YBX1: variants seen among roughly 807,000 people sequenced by gnomAD.
YBX1 encodes Y-box binding protein 1, also known as Y-box-binding protein 1.
YBX1 carries 3 observed loss-of-function variants against 41.4 expected under a neutral mutation model. The observed-to-expected ratio is 0.07, with a 90% CI of 0.03 to 0.19. YBX1 has a LOEUF of 0.19. Ranked by LOEUF, YBX1 falls within the 10% of genes least tolerant of loss-of-function variation. YBX1 has a pLI of 1.00. For missense variants in YBX1, 274 were observed against 462.8 expected (o/e 0.59, Z 3.74); for synonymous variants, 133 against 165.8 (o/e 0.80, Z 1.52).
intron 2 of YBX1, among the ~76,000 whole-genome samples, chr1:42,691,939 C>G (rs906336716): frequency 1.3e-5 from 2 of 152,088 alleles, no homozygotes; most frequent in Non-Finnish European, 2.9e-5. Context: ...TAACCTCCGC[C>G]TCCTAGCTTC....
Position 42,682,617 on chromosome 1 carries a change from C to A in YBX1, c.52C>A (p.Pro18Thr), listed in dbSNP as rs1006688362. The A allele has an allele frequency of 4.2e-6, 6 of 1,433,088 alleles. No homozygotes were observed. Among genetic ancestry groups the A allele is most frequent in the Non-Finnish European group, 5.5e-6 (6 of 1,098,462 alleles). The allele number at this position is 1,433,088 out of a possible 1,614,324, so 88.8% of individuals were successfully genotyped here. Reference sequence around the variant, plus strand: ...GCCGCCCGCCGCCCCCCCCGCCGCCCCCGCCCTCAGCGCCGCCGACACCAA... The same window carrying A: ...GCCGCCCGCCGCCCCCCCCGCCGCCACCGCCCTCAGCGCCGCCGACACCAA... ...QQPPAAPPAA[P>T]ALSAADTKPG... Residue 18 changes from proline (P) to threonine (T), a missense_variant, in exon 1 of 8, where the codon CCC becomes ACC. Pro to Thr is a conservative substitution (Grantham distance 38). Transcript: ENST00000321358.
chr1:42,701,166 A>G, intron 7 of YBX1, 120 bp downstream of exon 7: 5 of 722,062 alleles, frequency 6.9e-6, no homozygotes, highest in Middle Eastern at 6.0e-4. Context: ...TGTTATTTAT[A>G]ATGTGTTCTG....
chr1:42,688,737 T>A (rs1184301653), intron 2 of YBX1, among the ~76,000 whole-genome samples: 1 of 152,166 alleles, frequency 6.6e-6, no homozygotes, highest in African/African-American at 2.4e-5. Flanking sequence ...GTCATGGCAT[T>A]GTAAGAAAAA....
rs374728989 is a variant in YBX1, at chr1:42,700,885, G to A, written c.845G>A (p.Arg282His). Residue 282 changes from arginine to histidine, a missense_variant, in exon 7 of 8, where the codon CGC (arginine) becomes CAC (histidine). Around this residue, in one of 3 missense-constraint regions of YBX1, gnomAD observed 187 missense variants for 306.3 expected, o/e 0.61. Transcript: ENST00000321358. Reference sequence around the variant, plus strand: ...CAGCAGCCACCTCAACGTCGGTACCGCCGCAACTTCAATTACCGACGCAGA... The same window carrying A: ...CAGCAGCCACCTCAACGTCGGTACCACCGCAACTTCAATTACCGACGCAGA... ...QGQQPPQRRY[R>H]RNFNYRRRRP... is the part of the protein sequence containing the mutation. 12 of 1,613,840 alleles carry A rather than the reference G, an allele frequency of 7.4e-6. No individual in the cohort carries two copies. Among genetic ancestry groups the A allele is most frequent in the Admixed American group, 1.7e-5 (1 of 59,982 alleles).
intron 1 of YBX1, 169 bp from the exon 2 acceptor site, chr1:42,683,234 G>T: frequency 1.3e-6 from 1 of 779,540 alleles, no homozygotes; most frequent in African/African-American, 1.7e-5. Context: ...ACTCACCCAC[G>T]TGTGCGGCGG....
chr1:42,682,943 C>A (rs1214252342), intron 1 of YBX1: 1 of 149,790 alleles, frequency 6.7e-6, no homozygotes, highest in Admixed American at 6.8e-5. Flanking sequence ...CTGTGGACCC[C>A]GCGCGGCCGC....
At position 42,693,421 on chromosome 1, in the gene YBX1, A is replaced by G. The variant is rs368707724; in HGVS notation, c.231-69A>G. ...AATTGGCAGCCAGAGAGTCTCTGGGAAAATTAATCTTTGACAACATGAGAT... is the reference window on the plus strand; with the variant it reads ...AATTGGCAGCCAGAGAGTCTCTGGGGAAATTAATCTTTGACAACATGAGAT... On this transcript the variant is annotated intron_variant, in intron 2 of 7. Transcript: ENST00000321358. 2,294 of 1,590,846 alleles carry G rather than the reference A, an allele frequency of 1.4e-3. 7 individuals are homozygous for G. Among genetic ancestry groups the G allele is most frequent in the Middle Eastern group, 3.1e-3 (18 of 5,864 alleles).
intron 7 of YBX1, among the ~76,000 whole-genome samples, chr1:42,701,581 G>A (rs1650603069): frequency 6.7e-6 from 1 of 149,860 alleles, no homozygotes; most frequent in Non-Finnish European, 1.5e-5. Context: ...AGAGTGTTTC[G>A]TGTCTAAAAA....
At chr1:42,683,039 C>T (rs1183434727) in intron 1 of YBX1, 8 of 411,192 alleles carry the variant, frequency 1.9e-5, no homozygotes, top group Non-Finnish European at 3.3e-5. Flanking sequence ...CGCTCGGGCC[C>T]GCACGCCGTT....
chr1:42,683,123 G>A, intron 1 of YBX1: 1 of 606,066 alleles, frequency 1.6e-6, no homozygotes, highest in South Asian at 1.6e-5. Flanking sequence ...GCAGGCCGGA[G>A]CGGCTTCCCC....
At chr1:42,684,453 G>T (rs917427894) in intron 2 of YBX1, among the ~76,000 whole-genome samples, 1 of 152,196 alleles carries the variant, frequency 6.6e-6, no homozygotes, top group Non-Finnish European at 1.5e-5. Context: ...TACTGTAGAA[G>T]ACCTAAGCAG....
chr1:42,692,889 AC>A (rs746352545), intron 2 of YBX1, among the ~76,000 whole-genome samples: 29 of 152,244 alleles, frequency 1.9e-4, no homozygotes, highest in Non-Finnish European at 2.9e-4. Context: ...GTCTTTTTAT[AC>A]ATGGCTCCGT....
intron 7 of YBX1, among the ~76,000 whole-genome samples, chr1:42,701,560 G>A (rs1224684647): frequency 3.3e-5 from 5 of 149,946 alleles, no homozygotes; most frequent in South Asian, 4.2e-4. Context: ...TGTTGTTCCC[G>A]GAAAAAGACG....
At chr1:42,693,786 T>C (rs1650396481) in intron 3 of YBX1, among the ~76,000 whole-genome samples, 3 of 152,228 alleles carry the variant, frequency 2.0e-5, no homozygotes, top group South Asian at 2.1e-4. Flanking sequence ...GCATTAAATA[T>C]TTATACCTAA....
At chr1:42,698,474 G>T (rs2148741824) in intron 6 of YBX1, among the ~76,000 whole-genome samples, 1 of 152,294 alleles carries the variant, frequency 6.6e-6, no homozygotes. Flanking sequence ...GTCTAAAATA[G>T]CCTCTCATGG....
Position 42,697,185 on chromosome 1 carries a change from T to C in YBX1, c.663T>C (p.Ala221=). The C allele has an allele frequency of 1.2e-6, 2 of 1,613,656 alleles. No individual in the cohort carries two copies. Among genetic ancestry groups the C allele is most frequent in the Non-Finnish European group, 8.5e-7 (1 of 1,179,880 alleles). The change falls in exon 6 of 8, where the codon GCT becomes GCC. Residue 221 remains alanine (A), a synonymous_variant. Transcript: ENST00000321358. ...ATTTCCATTGTCTTTTTCAGGGTGC[T>C]GACAACCAGGGTGCAGGAGAACAAG... ...PPVQGEVMEG[A]DNQGAGEQGR... is the part of the protein sequence containing the mutation.
At position 42,696,537 on chromosome 1, in the gene YBX1, CTT is replaced by C. The variant is rs1203344166; in HGVS notation, c.355-103_355-102del. On this transcript the variant is annotated intron_variant, in intron 4 of 7. Transcript: ENST00000321358. The surrounding 1 kb of genome is among the most constrained non-coding windows in gnomAD (Gnocchi z 5.7). Reference sequence around the variant, plus strand: ...CCCCCCCCCCCTTTTTTTTCCTTAACTTTGTTGTTTTTTGCTTTGTTTGAAAA... The same window carrying C: ...CCCCCCCCCCCTTTTTTTTCCTTAACTGTTGTTTTTTGCTTTGTTTGAAAA... 3.8e-6 allele frequency: 1 copy of C among 260,440 alleles called. No individual in the cohort carries two copies. The highest frequency in any genetic ancestry group is 7.6e-6 in the Non-Finnish European group (1 of 132,084). The allele number at this position is 260,440 out of a possible 1,614,324, so 16.1% of individuals were successfully genotyped here. A position where few individuals can be genotyped will look rare whatever the true frequency, so the allele number is the denominator to read the frequency against.
intron 6 of YBX1, among the ~76,000 whole-genome samples, chr1:42,699,909 T>C (rs567423821): frequency 6.6e-6 from 1 of 152,114 alleles, no homozygotes; most frequent in South Asian, 2.1e-4. Context: ...GACTGGGAGG[T>C]CAGTCTGAAA....
rs531033665 is a variant in YBX1 at position 42,698,278 on chromosome 1, A to G, written c.740+1016A>G. Among the ~76,000 whole-genome samples the G allele has an allele frequency of 3.3e-5, 5 of 152,302 alleles. No homozygotes were observed. The East Asian group carries it at 7.7e-4, about 24-fold the overall frequency. On this transcript the variant is annotated intron_variant, in intron 6 of 7. Transcript: ENST00000321358. Reference sequence around the variant, plus strand: ...AGCACATGTACATTGAGAGTTTTGCAAGAGCAGCTGATGTCATCATATTTT... The same window carrying G: ...AGCACATGTACATTGAGAGTTTTGCGAGAGCAGCTGATGTCATCATATTTT...
Sources: allele counts gnomAD v4.1 joint callset (sites outside exome capture counted in the v4.1 genomes callset), GRCh38; gene constraint gnomAD v4.1.1; regional missense constraint gnomAD v4.1.1; non-coding constraint Gnocchi (gnomAD v3.1); transcripts MANE v1.5; gene names NCBI Gene and HGNC (gene_info 2026-07-23, HGNC 2026-07-21).